EGFR: variants seen among roughly 807,000 people sequenced by gnomAD.
EGFR encodes the protein avian erythroblastic leukemia viral (v-erb-b) oncogene homolog.
EGFR carries 58 observed loss-of-function variants against 143.0 expected under a neutral mutation model. The observed-to-expected ratio is 0.41, with a 90% CI of 0.33 to 0.50. The LOEUF is 0.50. EGFR is among the 20% of genes least tolerant of loss of function. EGFR has a pLI of 0.39. For missense variants in EGFR, 1,307 were observed against 1,579.0 expected (o/e 0.83, Z 2.92); for synonymous variants, 613 against 594.4 (o/e 1.03, Z -0.45).
At chr7:55,079,330 G>C (rs1790332451) in intron 1 of EGFR, among the ~76,000 whole-genome samples, 1 of 152,240 alleles carries the variant, frequency 6.6e-6, no homozygotes, top group South Asian at 2.1e-4. Flanking sequence ...GCGGGGAAGA[G>C]GGGCGGGTCG....
At chr7:55,082,330 C>T (rs1386769249) in intron 1 of EGFR, among the ~76,000 whole-genome samples, 2 of 152,176 alleles carry the variant, frequency 1.3e-5, no homozygotes, top group Admixed American at 1.3e-4. Flanking sequence ...TTCCTTTCCT[C>T]CCCTCTGTAC....
chr7:55,028,498 T>C (rs1787064331), intron 1 of EGFR, among the ~76,000 whole-genome samples: 1 of 152,244 alleles, frequency 6.6e-6, no homozygotes, highest in African/African-American at 2.4e-5. Flanking sequence ...AAAACATTTT[T>C]TTAATTTCAA....
At chr7:55,132,029 T>TA (rs1257392552) in intron 1 of EGFR, among the ~76,000 whole-genome samples, 1 of 139,556 alleles carries the variant, frequency 7.2e-6, no homozygotes, top group South Asian at 2.1e-4. Context: ...TTTGGTTGTC[T>TA]TTTTTTTTTT....
At chr7:55,109,024 C>T (rs1792305233) in intron 1 of EGFR, among the ~76,000 whole-genome samples, 1 of 152,110 alleles carries the variant, frequency 6.6e-6, no homozygotes, top group Non-Finnish European at 1.5e-5. Flanking sequence ...AGTGAGACTG[C>T]AATAGAGTGA....
chr7:55,148,483 T>C lies in EGFR; in HGVS notation c.559+1743T>C, dbSNP rs554932224. Among the ~76,000 whole-genome samples, 58 of 152,288 alleles carry C rather than the reference T, an allele frequency of 3.8e-4. 1 individual carries two copies. Among genetic ancestry groups the C allele is most frequent in the African/African-American group, 9.4e-4 (39 of 41,556 alleles). The stretch of plus-strand genomic sequence containing the variant: ...ATTGAACTATAGGCCAATATAGCAT[T>C]GCTTTAAGAATAAACAAAAAATAAG... On this transcript the variant is annotated intron_variant, in intron 4 of 27. Coordinates refer to ENST00000275493, the MANE Select transcript of EGFR (RefSeq NM_005228.5).
chr7:55,099,708 C>T (rs532359274), intron 1 of EGFR, among the ~76,000 whole-genome samples: 47 of 152,212 alleles, frequency 3.1e-4, no homozygotes, highest in African/African-American at 9.6e-4. Context: ...ACTCCTGGGA[C>T]GGTGTGCCGA....
intron 1 of EGFR, among the ~76,000 whole-genome samples, chr7:55,138,568 A>T (rs950731427): frequency 1.3e-5 from 2 of 152,208 alleles, no homozygotes; most frequent in Non-Finnish European, 2.9e-5. Flanking sequence ...AGATCCAAAC[A>T]TCTCAGTTTA....
intron 4 of EGFR, among the ~76,000 whole-genome samples, chr7:55,151,070 C>T (rs1037473856): frequency 1.6e-4 from 25 of 152,186 alleles, no homozygotes; most frequent in African/African-American, 4.1e-4. Flanking sequence ...TTACTCTCTG[C>T]CTCAGTTTCC....
intron 1 of EGFR, among the ~76,000 whole-genome samples, chr7:55,079,033 C>G (rs181066559): frequency 3.3e-5 from 5 of 152,358 alleles, no homozygotes; most frequent in African/African-American, 1.2e-4. Flanking sequence ...AGGGAGTTCT[C>G]GTCCATTCCT....
chr7:55,115,115 C>T (rs980408934), intron 1 of EGFR, among the ~76,000 whole-genome samples: 1 of 151,894 alleles, frequency 6.6e-6, no homozygotes, highest in Non-Finnish European at 1.5e-5. Flanking sequence ...ATGATCTGCC[C>T]GCCTCAGCCT....
At chr7:55,166,415 C>G in intron 15 of EGFR, 1 of 512,788 alleles carries the variant, frequency 2.0e-6, no homozygotes, top group South Asian at 1.6e-5. Context: ...GTCTTACCTT[C>G]TCTGTGCCTC....
chr7:55,205,883 C>T lies in EGFR; in HGVS notation c.*266C>T, dbSNP rs2128975909. The T allele has an allele frequency of 2.1e-6, 1 of 483,600 alleles. No homozygotes were observed. The highest frequency in any genetic ancestry group is 3.6e-5 in the East Asian group (1 of 27,756). 30.0% of individuals were successfully genotyped at this position (483,600 alleles called of 1,614,324 possible). A position where few individuals can be genotyped will look rare whatever the true frequency, so the allele number is the denominator to read the frequency against. The stretch of plus-strand genomic sequence containing the variant: ...TCCCTTTGAGCAGAAATTTATCTTT[C>T]AAAGAGGTATATTTGAAAAAAAAAA... On this transcript the variant is annotated 3_prime_UTR_variant, in exon 28 of 28. Coordinates refer to ENST00000275493, the MANE Select transcript of EGFR (RefSeq NM_005228.5).
chr7:55,121,222 A>G (rs985994628), intron 1 of EGFR, among the ~76,000 whole-genome samples: 7 of 152,206 alleles, frequency 4.6e-5, no homozygotes, highest in Admixed American at 2.0e-4. Context: ...ACAACCATAC[A>G]TAGATTGAGG....
intron 1 of EGFR, among the ~76,000 whole-genome samples, chr7:55,087,541 GTA>G (rs1336488377): frequency 2.6e-5 from 4 of 152,190 alleles, no homozygotes; most frequent in Non-Finnish European, 5.9e-5. Flanking sequence ...TGTTTAAAAG[GTA>G]TGGCAAAATG....
chr7:55,045,828 G>A (rs1030131847), intron 1 of EGFR, among the ~76,000 whole-genome samples: 4 of 152,200 alleles, frequency 2.6e-5, no homozygotes, highest in Admixed American at 2.6e-4. Context: ...GTAGCCATGG[G>A]CCACAATTGT....
intron 20 of EGFR, among the ~76,000 whole-genome samples, chr7:55,191,102 G>C (rs1787374494): frequency 6.6e-6 from 1 of 152,200 alleles, no homozygotes; most frequent in African/African-American, 2.4e-5. Flanking sequence ...TCTCAGAGCA[G>C]AGATTTCAAT....
At chr7:55,040,584 G>T (rs1239685886) in intron 1 of EGFR, among the ~76,000 whole-genome samples, 3 of 152,080 alleles carry the variant, frequency 2.0e-5, no homozygotes, top group Non-Finnish European at 4.4e-5. Context: ...CTCTTACTCT[G>T]CATTTTATCA....
intron 1 of EGFR, among the ~76,000 whole-genome samples, chr7:55,127,963 A>T (rs1793626569): frequency 6.6e-6 from 1 of 152,206 alleles, no homozygotes; most frequent in Non-Finnish European, 1.5e-5. Context: ...CTCCGTCAAC[A>T]TGTTCTGTCA....
rs1276184054 is a variant in EGFR at position 55,201,305 on chromosome 7, G to T, written c.3064G>T (p.Gly1022Cys). 3 of 1,614,006 alleles carry T rather than the reference G, an allele frequency of 1.9e-6. No homozygotes were observed. The highest frequency in any genetic ancestry group is 2.5e-6 in the Non-Finnish European group (3 of 1,180,032). The change falls in exon 25 of 28, where the codon GGC (glycine) becomes TGC (cysteine). Residue 1022 changes from glycine to cysteine, a missense_variant. Physicochemically the swap from Gly to Cys is radical, Grantham distance 159. This residue lies in a region of EGFR where 313 missense variants were observed against 312.3 expected (regional missense o/e 1.00). Transcript: ENST00000275493. ...DADEYLIPQQGFFSSPSTSRT... is the reference protein window; with the variant it reads ...DADEYLIPQQCFFSSPSTSRT... ...CGACGAGTACCTCATCCCACAGCAG[G>T]GCTTCTTCAGCAGCCCCTCCACGTC... is the stretch of plus-strand genomic sequence containing the variant.
Sources: gnomAD v4.1 joint callset for allele counts (sites outside exome capture counted in the v4.1 genomes callset) on GRCh38, gnomAD v4.1.1 for gene constraint, gnomAD v4.1.1 regional missense constraint, MANE v1.5 for transcripts, NCBI Gene and HGNC (gene_info 2026-07-23, HGNC 2026-07-21) for gene names.